PLEKHH2: variants seen among roughly 807,000 people sequenced by gnomAD.
PLEKHH2 encodes pleckstrin homology, MyTH4 and FERM domain containing H2, also known as pleckstrin homology domain-containing family H member 2.
A neutral mutation model predicts 187.9 loss-of-function variants in PLEKHH2; 129 were observed. That is an observed-to-expected ratio of 0.69 (90% CI 0.59 to 0.79). The LOEUF is 0.79. Ranked by LOEUF, PLEKHH2 falls within the 30% of genes least tolerant of loss-of-function variation. The probability of loss-of-function intolerance (pLI) is 0.00; values close to 1 mark genes in which losing one functional copy is unlikely to be tolerated. For synonymous variants in PLEKHH2, 686 were observed against 605.6 expected (o/e 1.13, Z -1.95); for missense variants, 2,076 against 1,751.2 (o/e 1.19, Z -3.31).
chr2:43,711,628 AC>A, intron 14 of PLEKHH2: 8 of 936,452 alleles, frequency 8.5e-6, no homozygotes, highest in Non-Finnish European at 1.0e-5. Context: ...GCGGTGGCTC[AC>A]GCCTGTAATC....
intron 3 of PLEKHH2, among the ~76,000 whole-genome samples, chr2:43,691,474 G>A (rs1204603589): frequency 6.6e-6 from 1 of 152,174 alleles, no homozygotes; most frequent in East Asian, 1.9e-4. Context: ...GGAAAGGGTA[G>A]GTATATGTAA....
At chr2:43,653,546 G>T (rs77543033) in intron 2 of PLEKHH2, among the ~76,000 whole-genome samples, 28,388 of 152,132 alleles carry the variant, frequency 0.19, 2,753 homozygotes, top group Middle Eastern at 0.29. Flanking sequence ...ATTAAAAGGA[G>T]GAAGTAAACC....
intron 10 of PLEKHH2, among the ~76,000 whole-genome samples, chr2:43,706,864 A>G (rs909394268): frequency 4.6e-5 from 7 of 152,170 alleles, no homozygotes; most frequent in African/African-American, 1.2e-4. Context: ...TAACAACATG[A>G]TTTTGATAAC....
intron 3 of PLEKHH2, among the ~76,000 whole-genome samples, chr2:43,690,659 T>C (rs1212366874): frequency 1.3e-5 from 2 of 152,250 alleles, no homozygotes; most frequent in African/African-American, 4.8e-5. Context: ...TTTTTCTCTT[T>C]GCCTCTATAA....
chr2:43,695,255 G>C (rs1350873657), intron 6 of PLEKHH2, 31 bp downstream of exon 6: 1 of 1,299,874 alleles, frequency 7.7e-7, no homozygotes. Flanking sequence ...TAGCTTAGTT[G>C]GATTTATTTG....
chr2:43,757,486 C>T (rs187989533), intron 26 of PLEKHH2, among the ~76,000 whole-genome samples: 2 of 147,790 alleles, frequency 1.4e-5, no homozygotes, highest in Non-Finnish European at 3.0e-5. Flanking sequence ...GTGGCCCAAT[C>T]TCGGCTCACT....
chr2:43,744,247 G>A (rs563393033), intron 23 of PLEKHH2: 396 of 710,246 alleles, frequency 5.6e-4, no homozygotes, highest in Non-Finnish European at 7.3e-4. Context: ...TAAGTATTAG[G>A]ATAATAAGGG....
chr2:43,649,317 G>A (rs557009689), intron 2 of PLEKHH2, among the ~76,000 whole-genome samples: 2 of 152,330 alleles, frequency 1.3e-5, no homozygotes, highest in South Asian at 4.1e-4. Flanking sequence ...GTCAGTTGAA[G>A]TGAAATGTTA....
At chr2:43,720,788 T>C (rs1670442787) in intron 16 of PLEKHH2, 39 bp downstream of exon 16, 3 of 1,582,076 alleles carry the variant, frequency 1.9e-6, no homozygotes, top group Non-Finnish European at 2.6e-6. Context: ...GAAGTAACTT[T>C]TTGTGTGTTA....
At chr2:43,751,637 G>A (rs866438537) in intron 24 of PLEKHH2, among the ~76,000 whole-genome samples, 8 of 152,164 alleles carry the variant, frequency 5.3e-5, no homozygotes, top group Admixed American at 3.9e-4. Context: ...GAATACCCCC[G>A]CGAGCTAATC....
intron 3 of PLEKHH2, among the ~76,000 whole-genome samples, chr2:43,683,747 C>T (rs1668356524): frequency 6.6e-6 from 1 of 151,948 alleles, no homozygotes; most frequent in East Asian, 1.9e-4. Context: ...TGTTGACCTC[C>T]ACCAGGAGGT....
intron 14 of PLEKHH2, chr2:43,711,150 T>G (rs1669945150): frequency 7.1e-6 from 7 of 985,722 alleles, no homozygotes; most frequent in Non-Finnish European, 7.2e-6. Flanking sequence ...TGTTGAGATA[T>G]TCTAGTATAT....
At chr2:43,743,084 T>G (rs978053936) in intron 22 of PLEKHH2, among the ~76,000 whole-genome samples, 166 bp downstream of exon 22, 1 of 152,220 alleles carries the variant, frequency 6.6e-6, no homozygotes, top group African/African-American at 2.4e-5. Flanking sequence ...AGTTTTGCTA[T>G]AAAGGATTCA....
chr2:43,711,606 A>C (rs1669967715), intron 14 of PLEKHH2: 1 of 974,892 alleles, frequency 1.0e-6, no homozygotes, highest in Non-Finnish European at 1.2e-6. Flanking sequence ...ATAAGTAGGA[A>C]CCTGGCCGGG....
At chr2:43,737,191 T>C (rs1009917455) in intron 19 of PLEKHH2, among the ~76,000 whole-genome samples, 1 of 152,138 alleles carries the variant, frequency 6.6e-6, no homozygotes, top group Non-Finnish European at 1.5e-5. Context: ...AATTTAACTG[T>C]CATCTCAGAG....
chr2:43,717,587 G>C (rs1670275101), intron 15 of PLEKHH2, among the ~76,000 whole-genome samples: 1 of 152,190 alleles, frequency 6.6e-6, no homozygotes, highest in Non-Finnish European at 1.5e-5. Flanking sequence ...GTATGGCTGA[G>C]GGGATGGGTG....
At chr2:43,639,650 CTTTTTTTTTTT>C in intron 1 of PLEKHH2, among the ~76,000 whole-genome samples, 1 of 99,250 alleles carries the variant, frequency 1.0e-5, no homozygotes, top group South Asian at 3.4e-4. Flanking sequence ...GGATGTACCA[CTTTTTTTTTTT>C]TTTTTTTTTT....
chr2:43,720,088 C>A (rs534169844), intron 15 of PLEKHH2, among the ~76,000 whole-genome samples: 2 of 152,160 alleles, frequency 1.3e-5, no homozygotes, highest in Admixed American at 6.5e-5. Flanking sequence ...TTTAGGATAC[C>A]CATCACTCGT....
intron 19 of PLEKHH2, among the ~76,000 whole-genome samples, chr2:43,733,650 G>T (rs1226171466): frequency 6.6e-6 from 1 of 152,096 alleles, no homozygotes. Flanking sequence ...ATCAACTGGA[G>T]ATCCAGCCTG....
Sources: gnomAD v4.1 joint callset for allele counts (sites outside exome capture counted in the v4.1 genomes callset) on GRCh38, gnomAD v4.1.1 for gene constraint, MANE v1.5 for transcripts, NCBI Gene and HGNC (gene_info 2026-07-23, HGNC 2026-07-21) for gene names.